DDX1: variants seen among roughly 807,000 people sequenced by gnomAD.
DDX1 encodes DEAD-box helicase 1, also known as ATP-dependent RNA helicase DDX1.
DDX1 carries 28 observed loss-of-function variants against 108.7 expected under a neutral mutation model. That is an observed-to-expected ratio of 0.26 (90% CI 0.19 to 0.35). DDX1 has a LOEUF of 0.35. DDX1 is among the 10% of genes least tolerant of loss of function. The pLI, the probability that DDX1 is intolerant of heterozygous loss-of-function variation, is 1.00. For missense variants in DDX1, 710 were observed against 884.5 expected, an observed-to-expected ratio of 0.80 and a Z score of 2.50; for synonymous variants, 295 against 288.9, an observed-to-expected ratio of 1.02 and a Z score of -0.21.
At chr2:15,611,588 C>A (rs1222365215) in intron 13 of DDX1, among the ~76,000 whole-genome samples, 1 of 118,634 alleles carries the variant, frequency 8.4e-6, no homozygotes, top group Non-Finnish European at 1.7e-5. Context: ...CCCTCCCGGA[C>A]GGGGCGGCTG....
At chr2:15,602,052 A>C (rs1466589500) in intron 6 of DDX1, among the ~76,000 whole-genome samples, 2 of 152,250 alleles carry the variant, frequency 1.3e-5, no homozygotes, top group African/African-American at 2.4e-5. Flanking sequence ...ATTGAGGAAC[A>C]AGCTAGAGAC....
intron 5 of DDX1, among the ~76,000 whole-genome samples, chr2:15,597,855 T>C (rs1289348181): frequency 6.6e-6 from 1 of 152,186 alleles, no homozygotes; most frequent in African/African-American, 2.4e-5. Context: ...TGGTGGGAAG[T>C]ATTGCCTTAC....
Position 15,591,960 on chromosome 2 carries a change from G to C in DDX1, c.16+11G>C. 1 of 1,424,938 alleles carries C rather than the reference G, an allele frequency of 7.0e-7. No individual in the cohort carries two copies. The highest frequency in any genetic ancestry group is 3.0e-5 in the East Asian group (1 of 33,118). 88.3% of individuals were successfully genotyped at this position (1,424,938 alleles called of 1,614,324 possible). ...TGGCGGCCTTCTCCGGTGCGTTTGT[G>C]GAAACTCTGGGGGTGGTGGGGCGGC... On this transcript the variant is annotated intron_variant, in intron 1 of 25. Transcript: ENST00000233084.
chr2:15,612,035 C>T (rs1157488576), intron 13 of DDX1, among the ~76,000 whole-genome samples: 11 of 139,576 alleles, frequency 7.9e-5, no homozygotes, highest in South Asian at 4.8e-4. Flanking sequence ...CCAGTAGGGG[C>T]GGCTGGGTAG....
chr2:15,595,515 T>G lies in DDX1; in HGVS notation c.94T>G (p.Ser32Ala), dbSNP rs754483644. ...CCTCCCAACTGATATCCAGGCTGAA[T>G]CTATCCCATTGATCTTAGGAGGAGG... ...WLLPTDIQAE[S>A]IPLILGGGDV... Residue 32 changes from serine to alanine, a missense_variant, in exon 3 of 26, where the codon TCT (serine) becomes GCT (alanine). Ser to Ala is a moderately conservative substitution (Grantham distance 99, BLOSUM62 1). Around this residue, in one of 3 missense-constraint regions of DDX1, gnomAD observed 48 missense variants for 57.5 expected, o/e 0.83. Transcript: ENST00000233084. The G allele has an allele frequency of 6.2e-7, 1 of 1,611,668 alleles. No homozygotes were observed. Among genetic ancestry groups the G allele is most frequent in the South Asian group, 1.1e-5 (1 of 91,028 alleles).
In DDX1 at chr2:15,630,031, T is replaced by G; in HGVS notation, c.2013T>G (p.Ser671=). 3 of 1,613,092 alleles carry G rather than the reference T, an allele frequency of 1.9e-6. No homozygotes were observed. Among genetic ancestry groups the G allele is most frequent in the Non-Finnish European group, 2.5e-6 (3 of 1,179,252 alleles). ...EIEEHLNCTI[S]QVEPDIKVPV... ...AAGAACACCTGAACTGTACCATTTC[T>G]CAGGTTGAGCCGGATATAAAGGTAC... The change falls in exon 25 of 26, where the codon TCT becomes TCG. Residue 671 remains serine, a synonymous_variant. Transcript: ENST00000233084.
At chr2:15,614,098 G>A (rs1665851186) in intron 14 of DDX1, among the ~76,000 whole-genome samples, 1 of 152,172 alleles carries the variant, frequency 6.6e-6, no homozygotes, top group South Asian at 2.1e-4. Context: ...TGGGATTACA[G>A]GAGTGAACTA....
intron 1 of DDX1, 81 bp from the exon 2 acceptor site, chr2:15,595,064 G>A (rs1046406542): frequency 4.4e-6 from 5 of 1,130,238 alleles, no homozygotes; most frequent in Non-Finnish European, 6.5e-6. Flanking sequence ...TCTTTACCCT[G>A]TTTTATGAAT....
chr2:15,611,301 G>A (rs1379790309), intron 13 of DDX1, among the ~76,000 whole-genome samples: 1 of 146,090 alleles, frequency 6.8e-6, no homozygotes, highest in Non-Finnish European at 1.5e-5. Flanking sequence ...CACAAACACG[G>A]CAACCATCCG....
At chr2:15,628,321 G>A (rs890856600) in intron 20 of DDX1, 124 bp from the exon 21 acceptor site, 11 of 668,070 alleles carry the variant, frequency 1.6e-5, no homozygotes, top group East Asian at 2.7e-5. Flanking sequence ...GGAGTATGTC[G>A]ACCTCTAATC....
chr2:15,606,112 G>C (rs1462046486), intron 11 of DDX1, 38 bp from the exon 12 acceptor site: 2 of 1,585,246 alleles, frequency 1.3e-6, no homozygotes, highest in Non-Finnish European at 1.7e-6. Flanking sequence ...TTTTCAATTA[G>C]GGTAGGAATT....
chr2:15,597,758 A>G (rs999786426), intron 5 of DDX1, among the ~76,000 whole-genome samples: 1 of 152,150 alleles, frequency 6.6e-6, no homozygotes, highest in African/African-American at 2.4e-5. Context: ...ATAACTTTCT[A>G]TGCTTAATGC....
intron 19 of DDX1, among the ~76,000 whole-genome samples, chr2:15,624,117 A>G (rs887849369): frequency 1.3e-5 from 2 of 152,198 alleles, no homozygotes; most frequent in African/African-American, 2.4e-5. Flanking sequence ...AAATCTAGCA[A>G]TACGCTGTTT....
At chr2:15,606,992 T>C (rs887498755) in intron 12 of DDX1, among the ~76,000 whole-genome samples, 183 bp from the exon 13 acceptor site, 4 of 152,168 alleles carry the variant, frequency 2.6e-5, no homozygotes, top group Non-Finnish European at 5.9e-5. Flanking sequence ...CCAGCCCAAA[T>C]AGTTTTAATT....
intron 13 of DDX1, among the ~76,000 whole-genome samples, chr2:15,610,124 G>T (rs564612828): frequency 1.7e-3 from 259 of 152,202 alleles, no homozygotes; most frequent in African/African-American, 5.3e-3. Flanking sequence ...TGGAGACATG[G>T]TCTTGCTATG....
Position 15,623,287 on chromosome 2 carries a change from CT to C in DDX1, c.1448-147del. 3 of 665,180 alleles carry C rather than the reference CT, an allele frequency of 4.5e-6. No individual in the cohort carries two copies. In the South Asian group the frequency reaches 6.7e-5, roughly 15 times the overall value. The allele number at this position is 665,180 out of a possible 1,614,324, so 41.2% of individuals were successfully genotyped here. A position where few individuals can be genotyped will look rare whatever the true frequency, so the allele number is the denominator to read the frequency against. On this transcript the variant is annotated intron_variant, in intron 18 of 25. Transcript: ENST00000233084. The stretch of plus-strand genomic sequence containing the variant: ...TCACTGTTTTACTCTATCTTTACTT[CT>C]TGTCCTTATCTATATATAATACTTT...
In DDX1 at chr2:15,606,251, A is replaced by G; in HGVS notation, c.804A>G (p.Lys268=). 1 of 1,612,288 alleles carries G rather than the reference A, an allele frequency of 6.2e-7. No individual in the cohort carries two copies. Among genetic ancestry groups the G allele is most frequent in the Non-Finnish European group, 8.5e-7 (1 of 1,178,460 alleles). ...LSKAPDGYIV[K]SQHSGNAQVT... Reference sequence around the variant, plus strand: ...AGGCACCGGATGGTTACATTGTCAAATCACAGCACTCAGGTATTATACCTG... The same window carrying G: ...AGGCACCGGATGGTTACATTGTCAAGTCACAGCACTCAGGTATTATACCTG... Residue 268 remains lysine, a synonymous_variant, in exon 12 of 26, where the codon AAA becomes AAG. Transcript: ENST00000233084.
Position 15,606,272 on chromosome 2 carries a change from A to G in DDX1, c.817+8A>G. On this transcript the variant is annotated splice_region_variant and intron_variant, in intron 12 of 25. Coordinates refer to ENST00000233084, the MANE Select transcript of DDX1 (RefSeq NM_004939.3). The stretch of plus-strand genomic sequence containing the variant: ...TCAAATCACAGCACTCAGGTATTAT[A>G]CCTGCAAGGGTAAGGATTTCTAGAA... 1 of 1,587,444 alleles carries G rather than the reference A, an allele frequency of 6.3e-7. No homozygotes were observed.
At position 15,621,291 on chromosome 2, in the gene DDX1, A is replaced by C. The variant is rs556534617; in HGVS notation, c.1447+175A>C. 60 of 575,474 alleles carry C rather than the reference A, an allele frequency of 1.0e-4. No homozygotes were observed. The African/African-American group carries it at 1.1e-3, about 10-fold the overall frequency. 35.6% of individuals were successfully genotyped at this position (575,474 alleles called of 1,614,324 possible). A position where few individuals can be genotyped will look rare whatever the true frequency, so the allele number is the denominator to read the frequency against. On this transcript the variant is annotated intron_variant, in intron 18 of 25. Coordinates refer to ENST00000233084, the MANE Select transcript of DDX1 (RefSeq NM_004939.3). ...AAGCTGATACTAGTCAACTTAGAGG[A>C]ATATGAATCATTGAATTTATTTTTA...
Sources: allele counts gnomAD v4.1 joint callset (sites outside exome capture counted in the v4.1 genomes callset), GRCh38; gene constraint gnomAD v4.1.1; regional missense constraint gnomAD v4.1.1; transcripts MANE v1.5; gene names NCBI Gene and HGNC (gene_info 2026-07-23, HGNC 2026-07-21).